The following MITF variants were observed in gnomAD, a reference collection of about 807,000 sequenced individuals.
MITF encodes melanocyte inducing transcription factor.
MITF carries 17 observed loss-of-function variants against 60.5 expected under a neutral mutation model. The observed-to-expected ratio is 0.28, with a 90% CI of 0.19 to 0.42. The LOEUF (loss-of-function observed/expected upper bound fraction) is 0.42, where lower values mean the gene tolerates loss of function less well. Ranked by LOEUF, MITF falls within the 10% of genes least tolerant of loss-of-function variation. The pLI is 1.00. For synonymous variants in MITF, 260 were observed against 248.5 expected (o/e 1.05, Z -0.43); for missense variants, 622 against 683.5 (o/e 0.91, Z 1.00).
Position 69,924,589 on chromosome 3 carries a change from C to T in MITF, c.355-13233C>T, listed in dbSNP as rs146554672. Among the ~76,000 whole-genome samples the T allele has an allele frequency of 4.4e-3, 667 of 152,312 alleles. 2 individuals are homozygous for T. The highest frequency in any genetic ancestry group is 0.015 in the African/African-American group (619 of 41,580). On this transcript the variant is annotated intron_variant, in intron 2 of 9. Transcript: ENST00000352241. ...CTTCGCGTAACCCATCACCCAGCTTCGAGAGTTATTGACTCGGCTCATCCT... is the reference window on the plus strand; with the variant it reads ...CTTCGCGTAACCCATCACCCAGCTTTGAGAGTTATTGACTCGGCTCATCCT...
chr3:69,913,275 T>A (rs2065262494), intron 2 of MITF, among the ~76,000 whole-genome samples: 1 of 152,082 alleles, frequency 6.6e-6, no homozygotes, highest in Non-Finnish European at 1.5e-5. Flanking sequence ...TTGTTTATAT[T>A]TGTCTTTATT....
Position 69,764,815 on chromosome 3 carries a change from C to T in MITF, c.104+25114C>T, listed in dbSNP as rs111861423. Among the ~76,000 whole-genome samples, 614 of 152,254 alleles carry T rather than the reference C, an allele frequency of 4.0e-3. 6 individuals carry two copies. Among genetic ancestry groups the T allele is most frequent in the African/African-American group, 0.014 (569 of 41,554 alleles). ...TTGCTCCTTTAAGGAATGCTTAGCT[C>T]TGTCCTCATCATTTTCTTGTTTAGG... On this transcript the variant is annotated intron_variant, in intron 1 of 9. Coordinates refer to ENST00000352241, the MANE Select transcript of MITF (RefSeq NM_001354604.2).
chr3:69,791,508 T>C (rs62250978), intron 1 of MITF, among the ~76,000 whole-genome samples: 26,198 of 152,178 alleles, frequency 0.17, 2,534 homozygotes, highest in Non-Finnish European at 0.22. Context: ...TATGTGCAAG[T>C]TGTAAGAAAA....
chr3:69,960,622 G>A (rs1463768472), intron 9 of MITF, among the ~76,000 whole-genome samples: 1 of 152,160 alleles, frequency 6.6e-6, no homozygotes, highest in African/African-American at 2.4e-5. Context: ...TTCTTCTTGA[G>A]TAGGCTGACC....
chr3:69,786,634 A>T (rs1313425972), intron 1 of MITF, among the ~76,000 whole-genome samples: 1 of 152,056 alleles, frequency 6.6e-6, no homozygotes, highest in Non-Finnish European at 1.5e-5. Context: ...TCCTCGAGTA[A>T]CATTGTTATG....
At chr3:69,843,188 T>C (rs1386948397) in intron 1 of MITF, among the ~76,000 whole-genome samples, 1 of 152,112 alleles carries the variant, frequency 6.6e-6, no homozygotes, top group African/African-American at 2.4e-5. Flanking sequence ...TGGATTACAG[T>C]GTGAAGAACA....
chr3:69,940,657 T>C (rs1053033653), intron 4 of MITF, among the ~76,000 whole-genome samples: 5 of 152,178 alleles, frequency 3.3e-5, no homozygotes, highest in African/African-American at 1.2e-4. Context: ...GGAGCCACAG[T>C]GTCCACACTT....
chr3:69,793,553 A>AGCATGCACCCTCTCCCAATGCTCAT (rs2062779749), intron 1 of MITF, among the ~76,000 whole-genome samples: 1 of 99,918 alleles, frequency 1.0e-5, no homozygotes, highest in Non-Finnish European at 2.4e-5. Flanking sequence ...CCAATGCTCA[A>AGCATGCACCCTCTCCCAATGCTCAT]GTTATGATGA....
intron 2 of MITF, among the ~76,000 whole-genome samples, chr3:69,935,914 T>C (rs1256070686): frequency 6.6e-6 from 1 of 152,204 alleles, no homozygotes; most frequent in Non-Finnish European, 1.5e-5. Context: ...ATCTTAAGAA[T>C]AATATGTAAA....
At position 69,866,380 on chromosome 3, in the gene MITF, G is replaced by A. The variant is rs969405221; in HGVS notation, c.105-12754G>A. The A allele has an allele frequency of 1.9e-6, 3 of 1,612,758 alleles. No homozygotes were observed. The South Asian group carries it at 3.3e-5, about 18-fold the overall frequency. ...AGTTTTATTCTGGAAATAATCCCGG[G>A]ACCACTTAAGAGGAGCAGTTTTTTT... On this transcript the variant is annotated intron_variant, in intron 1 of 9. Coordinates refer to ENST00000352241, the MANE Select transcript of MITF (RefSeq NM_001354604.2).
chr3:69,750,841 G>A (rs528849641), intron 1 of MITF, among the ~76,000 whole-genome samples: 37 of 152,274 alleles, frequency 2.4e-4, no homozygotes, highest in Admixed American at 6.5e-4. Flanking sequence ...AGAAAGCATT[G>A]CATAGAGATG....
intron 1 of MITF, among the ~76,000 whole-genome samples, chr3:69,812,651 A>C (rs1423651993): frequency 6.6e-6 from 1 of 152,168 alleles, no homozygotes; most frequent in African/African-American, 2.4e-5. Context: ...GATAGAGTTC[A>C]ATTTTTTCAT....
At chr3:69,799,170 A>C (rs1283767236) in intron 1 of MITF, among the ~76,000 whole-genome samples, 1 of 152,144 alleles carries the variant, frequency 6.6e-6, no homozygotes, top group East Asian at 1.9e-4. Context: ...ACAATTGAGG[A>C]GATAGAGGAG....
chr3:69,807,508 G>A (rs2063028832), intron 1 of MITF, among the ~76,000 whole-genome samples: 1 of 152,166 alleles, frequency 6.6e-6, no homozygotes, highest in African/African-American at 2.4e-5. Context: ...TTTTATGTTG[G>A]TTGAACCCAA....
At chr3:69,845,523 A>T (rs2063717133) in intron 1 of MITF, among the ~76,000 whole-genome samples, 1 of 151,044 alleles carries the variant, frequency 6.6e-6, no homozygotes, top group Non-Finnish European at 1.5e-5. Context: ...TTGTACCTAA[A>T]GTTGGTTGAC....
intron 1 of MITF, among the ~76,000 whole-genome samples, chr3:69,779,333 CA>C (rs1359706276): frequency 6.6e-6 from 1 of 152,114 alleles, no homozygotes; most frequent in African/African-American, 2.4e-5. Flanking sequence ...CAAACATACA[CA>C]AAAATGCCTC....
chr3:69,864,778 G>C (rs2064081434), intron 1 of MITF, among the ~76,000 whole-genome samples: 1 of 151,912 alleles, frequency 6.6e-6, no homozygotes, highest in Admixed American at 6.6e-5. Flanking sequence ...ATGTCCTTCA[G>C]TGATAGTGAG....
chr3:69,826,463 C>A (rs1009945861), intron 1 of MITF, among the ~76,000 whole-genome samples: 2 of 152,204 alleles, frequency 1.3e-5, no homozygotes, highest in African/African-American at 2.4e-5. Context: ...ATCCATTCTA[C>A]TGTTGATGGA....
At chr3:69,761,410 T>G (rs1198831171) in intron 1 of MITF, among the ~76,000 whole-genome samples, 1 of 152,208 alleles carries the variant, frequency 6.6e-6, no homozygotes, top group African/African-American at 2.4e-5. Flanking sequence ...GTTACTCAAA[T>G]AAGGTTGAAC....
Sources: allele counts gnomAD v4.1 joint callset (sites outside exome capture counted in the v4.1 genomes callset), GRCh38; gene constraint gnomAD v4.1.1; transcripts MANE v1.5; gene names NCBI Gene and HGNC (gene_info 2026-07-23, HGNC 2026-07-21).